Variants in ELF5 observed in about 807,000 individuals in gnomAD.
ELF5 encodes E74 like ETS transcription factor 5.
In ELF5, 31 loss-of-function variants were observed where a neutral mutation model predicts 38.2. The observed-to-expected ratio is 0.81, with a 90% CI of 0.61 to 1.10. The LOEUF is 1.10. Ranked by LOEUF, ELF5 falls within the 50% of genes least tolerant of loss-of-function variation. The pLI, the probability that ELF5 is intolerant of heterozygous loss-of-function variation, is 0.00. For missense variants in ELF5, 300 were observed against 306.6 expected, an observed-to-expected ratio of 0.98 and a Z score of 0.16; for synonymous variants, 121 against 112.5, an observed-to-expected ratio of 1.08 and a Z score of -0.48.
intron 4 of ELF5, among the ~76,000 whole-genome samples, chr11:34,489,675 G>A (rs913436932): frequency 6.6e-6 from 1 of 152,138 alleles, no homozygotes; most frequent in Non-Finnish European, 1.5e-5. Context: ...ATGGATACTG[G>A]TTTGGGAGCA....
chr11:34,487,578 T>C (rs2133877093), intron 4 of ELF5, among the ~76,000 whole-genome samples: 1 of 152,302 alleles, frequency 6.6e-6, no homozygotes, highest in Middle Eastern at 3.4e-3. Context: ...TTCAGTGGCT[T>C]CCCAGCTTGC....
chr11:34,505,608 G>T, intron 2 of ELF5, 21 bp downstream of exon 2: 1 of 1,612,898 alleles, frequency 6.2e-7, no homozygotes, highest in Non-Finnish European at 8.5e-7. Flanking sequence ...CACTCAGATG[G>T]GCTCCTTCAA....
chr11:34,510,764 C>G (rs1387020792), intron 1 of ELF5, among the ~76,000 whole-genome samples: 1 of 152,114 alleles, frequency 6.6e-6, no homozygotes, highest in East Asian at 1.9e-4. Context: ...CTCTGGTACT[C>G]ACATTTCTGG....
chr11:34,486,252 A>G (rs373547784), intron 4 of ELF5, among the ~76,000 whole-genome samples: 19 of 152,214 alleles, frequency 1.2e-4, no homozygotes, highest in African/African-American at 4.6e-4. Flanking sequence ...CAGTGAACCC[A>G]GGACTGTAGG....
chr11:34,482,211 G>A (rs754236669), intron 5 of ELF5, among the ~76,000 whole-genome samples: 27 of 152,168 alleles, frequency 1.8e-4, no homozygotes, highest in African/African-American at 2.4e-4. Context: ...TTTGTTTAGC[G>A]TTTGCTATTG....
intron 2 of ELF5, among the ~76,000 whole-genome samples, chr11:34,502,661 T>C (rs1043961181): frequency 6.6e-6 from 1 of 152,184 alleles, no homozygotes; most frequent in African/African-American, 2.4e-5. Flanking sequence ...TCCCCTGAAA[T>C]CCCGAGGGCC....
intron 4 of ELF5, among the ~76,000 whole-genome samples, chr11:34,489,114 C>T (rs184908977): frequency 1.4e-4 from 21 of 152,350 alleles, no homozygotes; most frequent in Non-Finnish European, 2.2e-4. Flanking sequence ...AAGCCCGTAG[C>T]GTGTGGTCCA....
At chr11:34,487,408 A>G (rs1257583684) in intron 4 of ELF5, among the ~76,000 whole-genome samples, 1 of 152,084 alleles carries the variant, frequency 6.6e-6, no homozygotes, top group Non-Finnish European at 1.5e-5. Flanking sequence ...ATTTCTAGAA[A>G]CTTCTCCCCA....
intron 4 of ELF5, among the ~76,000 whole-genome samples, chr11:34,484,556 C>T (rs966237494): frequency 2.6e-5 from 4 of 151,676 alleles, no homozygotes; most frequent in African/African-American, 9.7e-5. Flanking sequence ...CCTGCTGCAT[C>T]GTCTAGTATG....
intron 2 of ELF5, among the ~76,000 whole-genome samples, chr11:34,500,914 A>T (rs1850448855): frequency 6.6e-6 from 1 of 152,048 alleles, no homozygotes. Flanking sequence ...AAAATCTCAC[A>T]TTGTGCAATA....
intron 1 of ELF5, among the ~76,000 whole-genome samples, chr11:34,509,251 C>G (rs1410051828): frequency 6.6e-6 from 1 of 152,024 alleles, no homozygotes; most frequent in Non-Finnish European, 1.5e-5. Flanking sequence ...AATCACGAAC[C>G]CAGGAGGCAG....
chr11:34,493,328 A>T, intron 3 of ELF5, 151 bp downstream of exon 3: 1 of 741,048 alleles, frequency 1.3e-6, no homozygotes, highest in Non-Finnish European at 2.3e-6. Context: ...ATTCTGGCAT[A>T]CTAGCTTCCA....
chr11:34,492,124 CCTT>C (rs934539498), intron 3 of ELF5: 13 of 152,392 alleles, frequency 8.5e-5, no homozygotes, highest in African/African-American at 2.9e-4. Flanking sequence ...GTCCCAAGCT[CCTT>C]CTTCTGGAGC....
chr11:34,511,455 A>C (rs28395819), intron 1 of ELF5: 202,780 of 1,555,642 alleles, frequency 0.13, 14,085 homozygotes, highest in Middle Eastern at 0.19. Context: ...CTAGCTGCCT[A>C]GTAAGTAGGA....
At chr11:34,493,940 G>C (rs1850249168) in intron 2 of ELF5, among the ~76,000 whole-genome samples, 4 of 152,096 alleles carry the variant, frequency 2.6e-5, no homozygotes, top group Admixed American at 6.5e-5. Context: ...GAATGACAGG[G>C]GCAAGAAAGA....
chr11:34,485,402 T>C (rs1191137826), intron 4 of ELF5, among the ~76,000 whole-genome samples: 1 of 152,236 alleles, frequency 6.6e-6, no homozygotes, highest in African/African-American at 2.4e-5. Flanking sequence ...CCCAGATCGA[T>C]CTGTTGTTTT....
In ELF5 at chr11:34,493,462, G is replaced by T. The variant is rs72558003; in HGVS notation, c.355+17C>A. On this transcript the variant is annotated intron_variant, in intron 3 of 6. Coordinates refer to ENST00000257832, the MANE Select transcript of ELF5 (RefSeq NM_001422.4). ...TCCTGGTCCCTCCCCTGGAGGTCTG[G>T]CCCTCTGAACACTGACCTTGTGTGC... 1,064 of 1,608,748 alleles carry T rather than the reference G, an allele frequency of 6.6e-4. 5 individuals carry two copies. The highest frequency in any genetic ancestry group is 4.5e-3 in the South Asian group (409 of 90,380).
At chr11:34,494,780 A>G (rs908745055) in intron 2 of ELF5, among the ~76,000 whole-genome samples, 7 of 152,220 alleles carry the variant, frequency 4.6e-5, no homozygotes, top group Non-Finnish European at 8.8e-5. Context: ...TCATTTATTC[A>G]TTTCATTCAA....
intron 1 of ELF5, among the ~76,000 whole-genome samples, chr11:34,513,229 T>A (rs1190442943): frequency 6.6e-6 from 1 of 152,006 alleles, no homozygotes; most frequent in African/African-American, 2.4e-5. Flanking sequence ...ATAAGGGAGT[T>A]CTCTGTATCG....
Sources: allele counts gnomAD v4.1 joint callset (sites outside exome capture counted in the v4.1 genomes callset), GRCh38; gene constraint gnomAD v4.1.1; transcripts MANE v1.5; gene names NCBI Gene and HGNC (gene_info 2026-07-23, HGNC 2026-07-21).